ATXN1: variants seen among roughly 807,000 people sequenced by gnomAD.
ATXN1 encodes ataxin 1.
A neutral mutation model predicts 56.4 loss-of-function variants in ATXN1; 8 were observed. That is an observed-to-expected ratio of 0.14 (90% confidence interval 0.08 to 0.26). The LOEUF (loss-of-function observed/expected upper bound fraction) is 0.26. ATXN1 is among the 10% of genes least tolerant of loss of function. The pLI is 1.00. For synonymous variants in ATXN1, 514 were observed against 494.6 expected, an observed-to-expected ratio of 1.04 and a Z score of -0.52; for missense variants, 987 against 1,106.5, an observed-to-expected ratio of 0.89 and a Z score of 1.53.
rs1234595563 is a variant in ATXN1, at chr6:16,301,588, C to T, written c.*4741G>A. ...AAATGTGGAAGCAAAGGCCTCCACG[C>T]CACTTAAAAAAAAAAAAAGTGTAAT... On this transcript the variant is annotated 3_prime_UTR_variant, in exon 8 of 8. Transcript: ENST00000436367. The T allele has an allele frequency of 6.6e-6, 1 of 152,000 alleles. No individual in the cohort carries two copies. Among genetic ancestry groups the T allele is most frequent in the Admixed American group, 6.6e-5 (1 of 15,244 alleles). The allele number at this position is 152,000 out of a possible 1,614,324, so 9.4% of individuals were successfully genotyped here. A position where few individuals can be genotyped will look rare whatever the true frequency, so the allele number is the denominator to read the frequency against.
chr6:16,393,670 C>T (rs931421731), intron 6 of ATXN1, among the ~76,000 whole-genome samples: 2 of 152,174 alleles, frequency 1.3e-5, no homozygotes, highest in South Asian at 2.1e-4. Context: ...GTTTTAAGTC[C>T]TGTTCGGAAA....
At chr6:16,755,875 T>C (rs1396642670) in intron 1 of ATXN1, among the ~76,000 whole-genome samples, 1 of 152,188 alleles carries the variant, frequency 6.6e-6, no homozygotes, top group African/African-American at 2.4e-5. Context: ...TTGTGGCAAT[T>C]ATCATTACAT....
At chr6:16,529,447 T>C (rs759181810) in intron 4 of ATXN1, among the ~76,000 whole-genome samples, 2 of 152,128 alleles carry the variant, frequency 1.3e-5, no homozygotes, top group African/African-American at 2.4e-5. Context: ...ATCAACAGCA[T>C]AGAGACAGTC....
rs560801433 is a variant in ATXN1 at position 16,361,375 on chromosome 6, G to A, written c.-160-32905C>T. Among the ~76,000 whole-genome samples the A allele has an allele frequency of 2.9e-4, 44 of 152,260 alleles. 1 individual carries two copies. The highest frequency in any genetic ancestry group is 1.1e-3 in the African/African-American group (44 of 41,532). ...TTCATTATTTTCGTTCACGCACATG[G>A]CTAATTATTTCTACAGCATTCAGAT... On this transcript the variant is annotated intron_variant, in intron 6 of 7. Coordinates refer to ENST00000436367, the MANE Select transcript of ATXN1 (RefSeq NM_001128164.2).
intron 2 of ATXN1, among the ~76,000 whole-genome samples, chr6:16,731,454 C>CT (rs71559655): frequency 0.019 from 1,562 of 81,568 alleles, 47 homozygotes; most frequent in Non-Finnish European, 0.032. Flanking sequence ...TTTTTCTTTT[C>CT]TTTTTTTTTT....
chr6:16,531,256 T>G (rs1761498350), intron 4 of ATXN1, among the ~76,000 whole-genome samples: 1 of 152,232 alleles, frequency 6.6e-6, no homozygotes, highest in African/African-American at 2.4e-5. Context: ...AGATCAGAGC[T>G]ACTTCACCAA....
At chr6:16,324,034 GC>G (rs932155725) in intron 7 of ATXN1, among the ~76,000 whole-genome samples, 2 of 152,002 alleles carry the variant, frequency 1.3e-5, no homozygotes, top group Admixed American at 6.6e-5. Context: ...AGTATTCAGG[GC>G]TAAAAGCTCT....
intron 2 of ATXN1, among the ~76,000 whole-genome samples, chr6:16,733,032 A>G (rs1760026284): frequency 6.6e-6 from 1 of 152,168 alleles, no homozygotes; most frequent in South Asian, 2.1e-4. Flanking sequence ...ATTCAAACAT[A>G]TTTTCCAACC....
chr6:16,347,207 CA>C (rs1309133337), intron 6 of ATXN1, among the ~76,000 whole-genome samples: 4 of 152,240 alleles, frequency 2.6e-5, no homozygotes, highest in Admixed American at 6.5e-5. Context: ...ATCGACCACC[CA>C]AGGACTGAGG....
chr6:16,534,288 A>G (rs1232431419), intron 4 of ATXN1, among the ~76,000 whole-genome samples: 1 of 152,080 alleles, frequency 6.6e-6, no homozygotes, highest in African/African-American at 2.4e-5. Flanking sequence ...AGTAAAATGC[A>G]GTTTTCAATC....
chr6:16,312,126 A>G (rs1162161109), intron 7 of ATXN1, among the ~76,000 whole-genome samples: 1 of 152,186 alleles, frequency 6.6e-6, no homozygotes, highest in African/African-American at 2.4e-5. Context: ...TCATAGGTAA[A>G]CTTATCTGAG....
chr6:16,629,012 T>C (rs1052404868), intron 3 of ATXN1, among the ~76,000 whole-genome samples: 4 of 152,228 alleles, frequency 2.6e-5, no homozygotes, highest in African/African-American at 9.7e-5. Flanking sequence ...GGTCGAATGG[T>C]AGTTCTGCTT....
intron 2 of ATXN1, among the ~76,000 whole-genome samples, chr6:16,658,857 T>C (rs1758259474): frequency 6.6e-6 from 1 of 152,242 alleles, no homozygotes; most frequent in Admixed American, 6.5e-5. Flanking sequence ...CACATCATAC[T>C]TGTAACCCTA....
chr6:16,493,143 A>G (rs1324376718), intron 5 of ATXN1, among the ~76,000 whole-genome samples: 2 of 152,232 alleles, frequency 1.3e-5, no homozygotes, highest in Non-Finnish European at 2.9e-5. Context: ...AAGTAGATAT[A>G]ACACAACTTC....
At chr6:16,726,845 C>T (rs1426473761) in intron 2 of ATXN1, among the ~76,000 whole-genome samples, 2 of 151,940 alleles carry the variant, frequency 1.3e-5, no homozygotes, top group Non-Finnish European at 2.9e-5. Flanking sequence ...GCGACAAGAG[C>T]GAAACTTCAT....
intron 6 of ATXN1, among the ~76,000 whole-genome samples, chr6:16,404,122 G>C (rs577539186): frequency 6.6e-6 from 1 of 152,040 alleles, no homozygotes; most frequent in African/African-American, 2.4e-5. Flanking sequence ...CCATATCAAC[G>C]TGTGTGCATG....
At chr6:16,488,098 C>T (rs979589041) in intron 5 of ATXN1, among the ~76,000 whole-genome samples, 1 of 152,148 alleles carries the variant, frequency 6.6e-6, no homozygotes, top group African/African-American at 2.4e-5. Flanking sequence ...CAACACACAC[C>T]TTCTCTGTGA....
intron 3 of ATXN1, among the ~76,000 whole-genome samples, chr6:16,650,304 G>C (rs544061119): frequency 6.6e-6 from 1 of 152,302 alleles, no homozygotes; most frequent in East Asian, 1.9e-4. Context: ...GGAATTCCTA[G>C]GGGCCTTAGA....
chr6:16,712,715 CTTT>C (rs36016138), intron 2 of ATXN1, among the ~76,000 whole-genome samples: 2 of 145,382 alleles, frequency 1.4e-5, no homozygotes, highest in Non-Finnish European at 3.0e-5. Context: ...TCCGTTTTTG[CTTT>C]TTTTTTTTTT....
Sources: gnomAD v4.1 joint callset for allele counts (sites outside exome capture counted in the v4.1 genomes callset) on GRCh38, gnomAD v4.1.1 for gene constraint, MANE v1.5 for transcripts, NCBI Gene and HGNC (gene_info 2026-07-23, HGNC 2026-07-21) for gene names.